Variants in EPM2A observed in about 807,000 individuals in gnomAD.
EPM2A encodes laforin.
In EPM2A, 21 loss-of-function variants were observed where a neutral mutation model predicts 26.5. The ratio of observed to expected loss-of-function variants is 0.79; its 90% confidence interval spans 0.56 to 1.14. EPM2A has a LOEUF of 1.14. Ranked by LOEUF, EPM2A falls within the 50% of genes most tolerant of loss-of-function variation. The pLI is 0.00. For synonymous variants in EPM2A, 217 were observed against 177.6 expected (o/e 1.22, Z -1.76); for missense variants, 458 against 440.8 (o/e 1.04, Z -0.35).
intron 4 of EPM2A, among the ~76,000 whole-genome samples, chr6:145,395,013 C>T (rs555822535): frequency 5.3e-5 from 8 of 152,322 alleles, no homozygotes; most frequent in African/African-American, 1.9e-4. Flanking sequence ...GACACAAGGT[C>T]TCTAAAGACA....
At chr6:145,470,066 G>A (rs1324464903) in intron 4 of EPM2A, among the ~76,000 whole-genome samples, 1 of 151,928 alleles carries the variant, frequency 6.6e-6, no homozygotes, top group Non-Finnish European at 1.5e-5. Context: ...TGGTTAATGG[G>A]TACAAAAATA....
chr6:145,500,913 G>A (rs1179812658), downstream of EPM2A, among the ~76,000 whole-genome samples: 3 of 152,184 alleles, frequency 2.0e-5, no homozygotes, highest in Admixed American at 6.5e-5. Flanking sequence ...TAGGTTTGAT[G>A]TGTAGATTCT....
rs569758922 is a variant in EPM2A, at chr6:145,385,362, G to T, written c.556-1265C>A. ...AATTTAGTTCTTCCTTAAATATAAA[G>T]CTCATCTCAACAATGGCTGGGTTGT... On this transcript the variant is annotated intron_variant, in intron 4 of 4. Coordinates refer to the EPM2A transcript ENST00000638717. Among the ~76,000 whole-genome samples the T allele has an allele frequency of 2.2e-4, 27 of 120,092 alleles. 2 individuals carry two copies. The highest frequency in any genetic ancestry group is 8.9e-4 in the South Asian group (3 of 3,380). The allele number at this position is 120,092 out of a possible 152,430, so 78.8% of individuals were successfully genotyped here.
intron 2 of EPM2A, chr6:145,680,069 T>C (rs1780389947): frequency 6.6e-6 from 1 of 152,146 alleles, no homozygotes; most frequent in Non-Finnish European, 1.5e-5. Context: ...ATAATCATAT[T>C]ATTTATCATT....
chr6:145,703,390 C>T (rs1336551395), intron 1 of EPM2A, among the ~76,000 whole-genome samples: 2 of 152,082 alleles, frequency 1.3e-5, no homozygotes, highest in African/African-American at 4.8e-5. Context: ...CACATGTGAC[C>T]TTAGATATTC....
At chr6:145,544,981 T>C (rs35786059) in intron 2 of EPM2A, among the ~76,000 whole-genome samples, 54 of 152,180 alleles carry the variant, frequency 3.5e-4, no homozygotes, top group Non-Finnish European at 7.2e-4. Context: ...ATTGCTAGGA[T>C]CTTTGGTTAA....
At chr6:145,488,522 T>TGAGAGAGAGAGAGAGAGAGA (rs200590979) in intron 4 of EPM2A, among the ~76,000 whole-genome samples, 9 of 139,918 alleles carry the variant, frequency 6.4e-5, no homozygotes, top group African/African-American at 2.0e-4. Context: ...TGTGTGTGTG[T>TGAGAGAGAGAGAGAGAGAGA]GAGAGAGAGA....
In EPM2A at chr6:145,625,789, C is replaced by A; in HGVS notation, c.*1627G>T. ...GTTCTATCTCCCCGTCCTCTGAGCT[C>A]CACTGAAACTTACCTTGTATCCTTC... On this transcript the variant is annotated 3_prime_UTR_variant, in exon 4 of 4. Transcript: ENST00000367519. 1 of 1,443,162 alleles carries A rather than the reference C, an allele frequency of 6.9e-7. No homozygotes were observed. The highest frequency in any genetic ancestry group is 1.4e-5 in the African/African-American group (1 of 71,612). 89.4% of individuals were successfully genotyped at this position (1,443,162 alleles called of 1,614,324 possible).
chr6:145,597,856 A>C (rs1367433956), intron 2 of EPM2A, among the ~76,000 whole-genome samples: 4 of 152,174 alleles, frequency 2.6e-5, no homozygotes, highest in African/African-American at 9.7e-5. Flanking sequence ...TAGTTTGTTA[A>C]GGATAATTGC....
chr6:145,586,308 A>T (rs918487863), intron 2 of EPM2A, among the ~76,000 whole-genome samples: 35 of 152,288 alleles, frequency 2.3e-4, no homozygotes, highest in Non-Finnish European at 2.8e-4. Flanking sequence ...CTGTTATACC[A>T]TCTTCACAGC....
chr6:145,398,709 C>G (rs1270350757), intron 4 of EPM2A, among the ~76,000 whole-genome samples: 1 of 151,928 alleles, frequency 6.6e-6, no homozygotes, highest in African/African-American at 2.4e-5. Context: ...AAAACACAAA[C>G]ATTAGCTGGC....
chr6:145,659,342 T>C (rs1778520663), intron 2 of EPM2A, among the ~76,000 whole-genome samples: 1 of 152,134 alleles, frequency 6.6e-6, no homozygotes, highest in African/African-American at 2.4e-5. Flanking sequence ...ATGATAAAAA[T>C]ATAAAGCACA....
At chr6:145,409,066 G>C (rs1200515035) in intron 4 of EPM2A, among the ~76,000 whole-genome samples, 2 of 152,148 alleles carry the variant, frequency 1.3e-5, no homozygotes, top group African/African-American at 4.8e-5. Context: ...AATTAGAAGT[G>C]TTTATATCAC....
intron 2 of EPM2A, among the ~76,000 whole-genome samples, chr6:145,679,638 A>G (rs924968159): frequency 6.6e-6 from 1 of 152,164 alleles, no homozygotes. Flanking sequence ...CTGAGAGCTT[A>G]GCAAAATGGA....
At chr6:145,519,335 G>A (rs565088532) in intron 2 of EPM2A, among the ~76,000 whole-genome samples, 8 of 152,196 alleles carry the variant, frequency 5.3e-5, no homozygotes, top group African/African-American at 1.4e-4. Context: ...TAGAGAAAAG[G>A]CATGAGAGAG....
intron 2 of EPM2A, among the ~76,000 whole-genome samples, chr6:145,672,406 G>C (rs1285203150): frequency 6.6e-6 from 1 of 152,132 alleles, no homozygotes. Context: ...AAATTTAACA[G>C]AGCTACAACA....
At chr6:145,578,525 T>C (rs867134772) in intron 2 of EPM2A, among the ~76,000 whole-genome samples, 2 of 152,092 alleles carry the variant, frequency 1.3e-5, no homozygotes, top group Non-Finnish European at 2.9e-5. Context: ...CAATAACAAG[T>C]AATGAGATCG....
chr6:145,663,549 G>C (rs992164189), intron 2 of EPM2A, among the ~76,000 whole-genome samples: 4 of 152,292 alleles, frequency 2.6e-5, no homozygotes, highest in African/African-American at 9.6e-5. Context: ...TGGTGTACCT[G>C]AAAGTGATGC....
chr6:145,685,240 G>T (rs559760761), intron 2 of EPM2A, among the ~76,000 whole-genome samples: 1 of 152,214 alleles, frequency 6.6e-6, no homozygotes, highest in East Asian at 1.9e-4. Context: ...GGAGTTAGTA[G>T]GTGGAAATAG....
Sources: allele counts gnomAD v4.1 joint callset (sites outside exome capture counted in the v4.1 genomes callset), GRCh38; gene constraint gnomAD v4.1.1; transcripts MANE v1.5; gene names NCBI Gene and HGNC (gene_info 2026-07-23, HGNC 2026-07-21).